Variants in MAN1A2 observed in about 807,000 individuals in gnomAD.
MAN1A2 encodes the protein mannosidase alpha class 1A member 2.
A neutral mutation model predicts 75.7 loss-of-function variants in MAN1A2; 26 were observed. The observed-to-expected ratio is 0.34, with a 90% CI of 0.25 to 0.48. The LOEUF (loss-of-function observed/expected upper bound fraction) is 0.48, where lower values mean the gene tolerates loss of function less well. MAN1A2 is among the 20% of genes least tolerant of loss of function. The probability of loss-of-function intolerance (pLI) is 0.99; values close to 1 mark genes in which losing one functional copy is unlikely to be tolerated. For missense variants in MAN1A2, 562 were observed against 775.5 expected, an observed-to-expected ratio of 0.72 and a Z score of 3.27; for synonymous variants, 247 against 264.6, an observed-to-expected ratio of 0.93 and a Z score of 0.65.
At chr1:117,464,566 A>G (rs1340993838) in intron 7 of MAN1A2, among the ~76,000 whole-genome samples, 2 of 152,108 alleles carry the variant, frequency 1.3e-5, no homozygotes, top group Non-Finnish European at 2.9e-5. Flanking sequence ...TAGATGGTGT[A>G]ACTTGACATA....
intron 6 of MAN1A2, among the ~76,000 whole-genome samples, chr1:117,458,851 A>G (rs887020174): frequency 2.0e-5 from 3 of 151,998 alleles, no homozygotes; most frequent in African/African-American, 7.2e-5. Flanking sequence ...ACTTCTCCCA[A>G]AAAATAAGAC....
chr1:117,480,338 A>C (rs1473733556), intron 8 of MAN1A2, among the ~76,000 whole-genome samples: 1 of 151,836 alleles, frequency 6.6e-6, no homozygotes, highest in Non-Finnish European at 1.5e-5. Flanking sequence ...CTTTGCCTGA[A>C]AATTTTCTTG....
Position 117,414,816 on chromosome 1 carries a change from C to A in MAN1A2, c.759C>A (p.Asn253Lys). 6.3e-7 allele frequency: 1 copy of A among 1,594,518 alleles called. No individual in the cohort carries two copies. Among genetic ancestry groups the A allele is most frequent in the Non-Finnish European group, 8.6e-7 (1 of 1,162,940 alleles). Reference sequence around the variant, plus strand: ...ATGGGCAAAGATGGATTGAAGACAACCTTGATTTCAGTGTGGTGAGTGTAT... The same window carrying A: ...ATGGGCAAAGATGGATTGAAGACAAACTTGATTTCAGTGTGGTGAGTGTAT... Reference protein sequence around the residue: ...FLDGQRWIEDNLDFSVNSEVS... With the variant: ...FLDGQRWIEDKLDFSVNSEVS... The change falls in exon 4 of 13, where the codon AAC (asparagine) becomes AAA (lysine). Residue 253 changes from asparagine to lysine, a missense_variant. Asn to Lys is a moderately conservative substitution (Grantham distance 94). Coordinates refer to ENST00000356554, the MANE Select transcript of MAN1A2 (RefSeq NM_006699.5).
rs1458478257 is a variant in MAN1A2, at chr1:117,523,005, C to A, written c.*48C>A. 3 of 1,603,162 alleles carry A rather than the reference C, an allele frequency of 1.9e-6. No individual in the cohort carries two copies. The African/African-American group carries it at 4.0e-5, about 21-fold the overall frequency. On this transcript the variant is annotated 3_prime_UTR_variant, in exon 13 of 13. Coordinates refer to ENST00000356554, the MANE Select transcript of MAN1A2 (RefSeq NM_006699.5). ...CTCACCTGTGTTTTGTTTACATGGA[C>A]CACTACAGAAATTAGTTTGAAGGGG...
intron 4 of MAN1A2, among the ~76,000 whole-genome samples, chr1:117,416,138 G>A (rs1647982089): frequency 6.6e-6 from 1 of 151,998 alleles, no homozygotes; most frequent in South Asian, 2.1e-4. Context: ...TTTAATGTAG[G>A]ATGAAGTAGG....
intron 5 of MAN1A2, among the ~76,000 whole-genome samples, chr1:117,423,552 A>T (rs1648263796): frequency 6.6e-6 from 1 of 152,018 alleles, no homozygotes; most frequent in African/African-American, 2.4e-5. Context: ...TAGCATACAG[A>T]TCTTGTATGT....
intron 8 of MAN1A2, among the ~76,000 whole-genome samples, chr1:117,476,283 A>G (rs1650310115): frequency 6.6e-6 from 1 of 152,078 alleles, no homozygotes; most frequent in Non-Finnish European, 1.5e-5. Context: ...ATAGATTGCA[A>G]AAATTTTCTC....
At chr1:117,492,079 T>C (rs1025676845) in intron 8 of MAN1A2, among the ~76,000 whole-genome samples, 6 of 152,206 alleles carry the variant, frequency 3.9e-5, no homozygotes, top group Non-Finnish European at 8.8e-5. Context: ...ACTACGTAAA[T>C]TTAGTTGATG....
chr1:117,414,621 C>G, intron 3 of MAN1A2, 92 bp from the exon 4 acceptor site: 1 of 664,522 alleles, frequency 1.5e-6, no homozygotes, highest in Non-Finnish European at 2.7e-6. Context: ...TTAAAATACA[C>G]TGAATGTGAA....
intron 1 of MAN1A2, among the ~76,000 whole-genome samples, chr1:117,395,458 A>G (rs1653873971): frequency 1.3e-5 from 2 of 152,238 alleles, no homozygotes; most frequent in South Asian, 2.1e-4. Flanking sequence ...TGATAATTAA[A>G]TAAGATAATA....
chr1:117,405,674 C>T lies in MAN1A2; in HGVS notation c.655+29C>T, dbSNP rs752763770. 3 of 1,155,440 alleles carry T rather than the reference C, an allele frequency of 2.6e-6. No homozygotes were observed. In the African/African-American group the frequency reaches 4.6e-5, roughly 18 times the overall value. The allele number at this position is 1,155,440 out of a possible 1,614,324, so 71.6% of individuals were successfully genotyped here. A position where few individuals can be genotyped will look rare whatever the true frequency, so the allele number is the denominator to read the frequency against. On this transcript the variant is annotated intron_variant, in intron 3 of 12. Transcript: ENST00000356554. ...AGTTTACTTTTTCTAATTACTATTT[C>T]CATTTTCTACCTCCATCTTTTAAAA...
chr1:117,479,080 CT>C (rs1340257216), intron 8 of MAN1A2, among the ~76,000 whole-genome samples: 1 of 151,810 alleles, frequency 6.6e-6, no homozygotes, highest in Non-Finnish European at 1.5e-5. Context: ...CTCCCTCCCC[CT>C]ATACCTCCAA....
chr1:117,391,788 C>T (rs1278323067), intron 1 of MAN1A2, among the ~76,000 whole-genome samples: 1 of 152,186 alleles, frequency 6.6e-6, no homozygotes, highest in Non-Finnish European at 1.5e-5. Context: ...CTTTCTCACT[C>T]CTTCCCTTTA....
At chr1:117,486,443 A>G (rs368563036) in intron 8 of MAN1A2, among the ~76,000 whole-genome samples, 1 of 151,958 alleles carries the variant, frequency 6.6e-6, no homozygotes, top group Non-Finnish European at 1.5e-5. Context: ...CACAGTAAAA[A>G]TATAGTCAAA....
chr1:117,443,966 C>T (rs994988561), intron 6 of MAN1A2, among the ~76,000 whole-genome samples: 1 of 151,824 alleles, frequency 6.6e-6, no homozygotes, highest in African/African-American at 2.4e-5. Flanking sequence ...ACACATAGGC[C>T]TTCCCTTAGT....
At position 117,501,081 on chromosome 1, in the gene MAN1A2, C is replaced by T. The variant is rs1407451080; in HGVS notation, c.1677+1527C>T. Among the ~76,000 whole-genome samples the T allele has an allele frequency of 2.0e-5, 3 of 151,652 alleles. No individual in the cohort carries two copies. The East Asian group carries it at 5.8e-4, about 30-fold the overall frequency. On this transcript the variant is annotated intron_variant, in intron 11 of 12. Coordinates refer to ENST00000356554, the MANE Select transcript of MAN1A2 (RefSeq NM_006699.5). ...TACTTTAGGATAATTCATCCTTTTC[C>T]TAATGTCCTTTTTTCCTGTGTGCTT...
intron 11 of MAN1A2, among the ~76,000 whole-genome samples, chr1:117,502,590 G>A (rs902105339): frequency 5.3e-5 from 8 of 151,522 alleles, no homozygotes; most frequent in Non-Finnish European, 1.0e-4. Context: ...GCCTAAATTT[G>A]ATTTCTAAGT....
chr1:117,473,682 C>T (rs1293890075), intron 8 of MAN1A2, among the ~76,000 whole-genome samples: 7 of 151,994 alleles, frequency 4.6e-5, no homozygotes, highest in South Asian at 2.1e-4. Flanking sequence ...AATGATTTTT[C>T]GAGAGATATT....
chr1:117,414,675 G>A, intron 3 of MAN1A2, 38 bp from the exon 4 acceptor site: 2 of 1,033,700 alleles, frequency 1.9e-6, no homozygotes, highest in East Asian at 2.4e-5. Context: ...AACCTAAAGG[G>A]ATCTTTTTAA....
Sources: allele counts gnomAD v4.1 joint callset (sites outside exome capture counted in the v4.1 genomes callset), GRCh38; gene constraint gnomAD v4.1.1; transcripts MANE v1.5; gene names NCBI Gene and HGNC (gene_info 2026-07-23, HGNC 2026-07-21).